GRM5: variants seen among roughly 807,000 people sequenced by gnomAD.
The protein encoded by GRM5 is metabotropic glutamate receptor 5.
GRM5 carries 19 observed loss-of-function variants against 83.1 expected under a neutral mutation model. The observed-to-expected ratio is 0.23, with a 90% CI of 0.16 to 0.34. GRM5 has a LOEUF of 0.34. Among genes scored for constraint, GRM5 ranks in the 10% least tolerant of loss-of-function variants. The pLI is 1.00. For synonymous variants in GRM5, 675 were observed against 633.6 expected (o/e 1.07, Z -0.98); for missense variants, 1,160 against 1,588.3 (o/e 0.73, Z 4.58).
intron 2 of GRM5, among the ~76,000 whole-genome samples, chr11:89,037,423 T>C (rs528609271): frequency 1.4e-4 from 21 of 152,058 alleles, no homozygotes; most frequent in African/African-American, 4.8e-4. Context: ...ATTTACATAA[T>C]TGGTATAATT....
chr11:88,963,223 G>A (rs892012916), intron 2 of GRM5, among the ~76,000 whole-genome samples: 5 of 152,208 alleles, frequency 3.3e-5, no homozygotes, highest in African/African-American at 4.8e-5. Context: ...AAATGGTAAA[G>A]CAGATGCAAA....
chr11:88,882,514 T>C (rs1453369744), intron 2 of GRM5, among the ~76,000 whole-genome samples: 1 of 149,092 alleles, frequency 6.7e-6, no homozygotes, highest in Non-Finnish European at 1.5e-5. Context: ...TGAGCCGAGA[T>C]AGTGCCACTG....
intron 2 of GRM5, among the ~76,000 whole-genome samples, chr11:89,043,161 G>A (rs1011350062): frequency 1.2e-4 from 19 of 152,094 alleles, no homozygotes; most frequent in African/African-American, 3.9e-4. Flanking sequence ...GGTGAGCTAC[G>A]TACTTCACTA....
intron 3 of GRM5, among the ~76,000 whole-genome samples, chr11:88,678,251 G>T (rs577395387): frequency 5.9e-5 from 9 of 152,026 alleles, no homozygotes; most frequent in African/African-American, 1.9e-4. Flanking sequence ...TAATGATGGG[G>T]TCTTTCTATG....
chr11:88,651,910 T>G (rs1939642574), intron 4 of GRM5, among the ~76,000 whole-genome samples: 1 of 152,026 alleles, frequency 6.6e-6, no homozygotes, highest in Non-Finnish European at 1.5e-5. Context: ...AAGAACAAAC[T>G]GATACCAGAA....
At chr11:88,939,098 C>T (rs551232970) in intron 2 of GRM5, among the ~76,000 whole-genome samples, 7 of 151,708 alleles carry the variant, frequency 4.6e-5, no homozygotes, top group East Asian at 3.9e-4. Context: ...TAGTTTATGA[C>T]TAATTCATCT....
At chr11:88,996,552 G>A (rs1265338001) in intron 2 of GRM5, among the ~76,000 whole-genome samples, 1 of 152,160 alleles carries the variant, frequency 6.6e-6, no homozygotes, top group Non-Finnish European at 1.5e-5. Flanking sequence ...CAATTTAAAA[G>A]AAAAAGGGAC....
At chr11:88,661,928 C>G (rs72639197) in intron 3 of GRM5, among the ~76,000 whole-genome samples, 3,162 of 152,060 alleles carry the variant, frequency 0.021, 87 homozygotes, top group East Asian at 0.12. Context: ...TAGAATTGTT[C>G]AGAAAAAGAT....
chr11:88,555,661 A>T (rs1371464786), intron 8 of GRM5, among the ~76,000 whole-genome samples: 2 of 152,164 alleles, frequency 1.3e-5, no homozygotes, highest in African/African-American at 2.4e-5. Context: ...GCACTCTGGC[A>T]ACTTCTTTAT....
At chr11:88,887,092 A>C (rs1472484465) in intron 2 of GRM5, among the ~76,000 whole-genome samples, 1 of 152,158 alleles carries the variant, frequency 6.6e-6, no homozygotes, top group Non-Finnish European at 1.5e-5. Context: ...TCCCTCTACT[A>C]GACACCATGC....
intron 8 of GRM5, among the ~76,000 whole-genome samples, chr11:88,551,286 C>A (rs765053802): frequency 7.2e-5 from 11 of 152,120 alleles, no homozygotes; most frequent in Non-Finnish European, 1.6e-4. Flanking sequence ...TCTGTGGGTT[C>A]TGCCTATTTA....
chr11:89,041,908 T>C (rs942491030), intron 2 of GRM5, among the ~76,000 whole-genome samples: 9 of 152,140 alleles, frequency 5.9e-5, no homozygotes, highest in African/African-American at 2.2e-4. Context: ...TCTGGGGATC[T>C]CATGTTTTCA....
At chr11:88,587,999 A>G (rs1943354037) in intron 7 of GRM5, among the ~76,000 whole-genome samples, 1 of 152,164 alleles carries the variant, frequency 6.6e-6, no homozygotes, top group Non-Finnish European at 1.5e-5. Context: ...TAGGCTGGGA[A>G]GAAACGATAA....
At chr11:88,526,978 A>T (rs1356058868) in intron 8 of GRM5, among the ~76,000 whole-genome samples, 1 of 152,196 alleles carries the variant, frequency 6.6e-6, no homozygotes, top group Non-Finnish European at 1.5e-5. Flanking sequence ...TTTTAGATGT[A>T]GGCATAAAGA....
At chr11:88,993,692 AT>A (rs1377631797) in intron 2 of GRM5, among the ~76,000 whole-genome samples, 2 of 151,680 alleles carry the variant, frequency 1.3e-5, no homozygotes, top group African/African-American at 4.8e-5. Context: ...AATTCAGTAA[AT>A]TTTTTTTCTG....
intron 2 of GRM5, among the ~76,000 whole-genome samples, chr11:88,938,564 T>TTA (rs398115606): frequency 1.3e-5 from 2 of 150,650 alleles, no homozygotes; most frequent in Non-Finnish European, 3.0e-5. Context: ...TTTTTTTTTT[T>TTA]AAAGAAGAAG....
intron 3 of GRM5, among the ~76,000 whole-genome samples, chr11:88,668,346 C>A (rs1281635654): frequency 6.8e-6 from 1 of 146,660 alleles, no homozygotes; most frequent in African/African-American, 2.5e-5. Context: ...CACACAGAGT[C>A]TGGCCCACCA....
intron 3 of GRM5, among the ~76,000 whole-genome samples, chr11:88,815,956 G>T (rs923376043): frequency 6.6e-6 from 1 of 151,444 alleles, no homozygotes; most frequent in African/African-American, 2.5e-5. Flanking sequence ...GCTCACGCCT[G>T]TAATCCCAGC....
chr11:88,539,815 A>G (rs758476973), intron 8 of GRM5, among the ~76,000 whole-genome samples: 17 of 152,214 alleles, frequency 1.1e-4, no homozygotes, highest in Non-Finnish European at 2.5e-4. Flanking sequence ...TGATGTAGAG[A>G]CAAATGATGC....
Sources: allele counts gnomAD v4.1 joint callset (sites outside exome capture counted in the v4.1 genomes callset), GRCh38; gene constraint gnomAD v4.1.1; transcripts MANE v1.5; gene names NCBI Gene and HGNC (gene_info 2026-07-23, HGNC 2026-07-21).